The following CDC42BPA variants were observed in gnomAD, a reference collection of about 807,000 sequenced individuals.
CDC42BPA encodes CDC42 binding protein kinase alpha.
Under a neutral mutation model 223.5 loss-of-function variants are expected in CDC42BPA, and 80 were observed. The ratio of observed to expected loss-of-function variants is 0.36; its 90% CI spans 0.30 to 0.43. The LOEUF is 0.43. CDC42BPA is among the 20% of genes least tolerant of loss of function. CDC42BPA has a pLI of 1.00. For synonymous variants in CDC42BPA, 694 were observed against 718.6 expected (o/e 0.97, Z 0.55); for missense variants, 1,743 against 2,099.9 (o/e 0.83, Z 3.32).
At chr1:227,082,940 G>A (rs372668485) in intron 16 of CDC42BPA, among the ~76,000 whole-genome samples, 1 of 151,994 alleles carries the variant, frequency 6.6e-6, no homozygotes, top group African/African-American at 2.4e-5. Context: ...GCCTTTGAAC[G>A]TAATGTGTCT....
chr1:227,238,460 A>G (rs1053631750), intron 2 of CDC42BPA, among the ~76,000 whole-genome samples: 4 of 152,184 alleles, frequency 2.6e-5, no homozygotes, highest in African/African-American at 9.7e-5. Context: ...ATTTGAATAC[A>G]ACCACATCCA....
chr1:227,169,980 C>A (rs1665801595), intron 5 of CDC42BPA, among the ~76,000 whole-genome samples: 2 of 152,110 alleles, frequency 1.3e-5, no homozygotes, highest in Admixed American at 1.3e-4. Flanking sequence ...TTTATGAATA[C>A]AGAAAACCAT....
chr1:227,187,683 C>T (rs1174388251), intron 5 of CDC42BPA, among the ~76,000 whole-genome samples: 1 of 74,530 alleles, frequency 1.3e-5, no homozygotes, highest in Admixed American at 1.8e-4. Flanking sequence ...CCCCCCACCC[C>T]CCCCCCAAAA....
chr1:227,110,008 T>A (rs770331839), intron 14 of CDC42BPA, among the ~76,000 whole-genome samples: 1 of 152,110 alleles, frequency 6.6e-6, no homozygotes, highest in Non-Finnish European at 1.5e-5. Context: ...AATGCACCCA[T>A]CTAATTTTCT....
intron 12 of CDC42BPA, 70 bp downstream of exon 12, chr1:227,119,734 C>T (rs1266786732): frequency 1.9e-6 from 2 of 1,026,912 alleles, no homozygotes; most frequent in Non-Finnish European, 2.7e-6. Flanking sequence ...ATTATGAATG[C>T]TTTCAGTATT....
At chr1:227,046,954 TC>T (rs1371778146) in intron 23 of CDC42BPA, among the ~76,000 whole-genome samples, 1 of 152,180 alleles carries the variant, frequency 6.6e-6, no homozygotes, top group East Asian at 1.9e-4. Flanking sequence ...TCATTTTCTT[TC>T]CCCTTTAAGT....
chr1:227,317,434 A>G lies in CDC42BPA; in HGVS notation c.-252T>C. On this transcript the variant is annotated 5_prime_UTR_variant, in exon 1 of 37. Coordinates refer to ENST00000366766, the MANE Select transcript of CDC42BPA (RefSeq NM_001394014.1). ...TAAAATATATACTTAATGCATTTTTAAAAGAATACAATTAAGTCGTATATT... is the reference window on the plus strand; with the variant it reads ...TAAAATATATACTTAATGCATTTTTGAAAGAATACAATTAAGTCGTATATT... 1 of 408,662 alleles carries G rather than the reference A, an allele frequency of 2.4e-6. No individual in the cohort carries two copies. Among genetic ancestry groups the G allele is most frequent in the South Asian group, 1.2e-4 (1 of 8,400 alleles). 25.3% of individuals were successfully genotyped at this position (408,662 alleles called of 1,614,324 possible). A position where few individuals can be genotyped will look rare whatever the true frequency, so the allele number is the denominator to read the frequency against.
intron 5 of CDC42BPA, among the ~76,000 whole-genome samples, chr1:227,187,608 A>C (rs906569944): frequency 2.3e-4 from 35 of 150,298 alleles, no homozygotes; most frequent in African/African-American, 7.8e-4. Context: ...ATAATTCCCC[A>C]AAATTTTCCT....
chr1:227,085,765 A>C (rs971610412), intron 16 of CDC42BPA, among the ~76,000 whole-genome samples: 2 of 152,216 alleles, frequency 1.3e-5, no homozygotes, highest in African/African-American at 2.4e-5. Flanking sequence ...CAAGAGATTT[A>C]AGTTTGTACC....
chr1:227,173,005 G>C (rs756579013), intron 5 of CDC42BPA, among the ~76,000 whole-genome samples: 2 of 152,182 alleles, frequency 1.3e-5, no homozygotes, highest in African/African-American at 4.8e-5. Flanking sequence ...TGGCCAGCCT[G>C]AGGAATAACT....
intron 9 of CDC42BPA, among the ~76,000 whole-genome samples, chr1:227,141,663 G>T (rs568594294): frequency 2.6e-5 from 4 of 152,290 alleles, no homozygotes; most frequent in South Asian, 2.1e-4. Flanking sequence ...AAAGAAATAG[G>T]CCAGATGCAG....
chr1:227,121,802 C>CTTTTTTTTT (rs11327691), intron 11 of CDC42BPA, among the ~76,000 whole-genome samples: 13 of 134,126 alleles, frequency 9.7e-5, no homozygotes, highest in Non-Finnish European at 1.3e-4. Flanking sequence ...TCTTTTTTTT[C>CTTTTTTTTT]TTTTTTTTTT....
At chr1:227,241,167 T>C (rs1238743372) in intron 2 of CDC42BPA, among the ~76,000 whole-genome samples, 1 of 152,006 alleles carries the variant, frequency 6.6e-6, no homozygotes, top group Non-Finnish European at 1.5e-5. Context: ...GACCACAGAA[T>C]ACCACTACAT....
At chr1:227,035,907 T>C (rs749860994) in intron 24 of CDC42BPA, among the ~76,000 whole-genome samples, 4 of 152,152 alleles carry the variant, frequency 2.6e-5, no homozygotes, top group Non-Finnish European at 5.9e-5. Context: ...TGATTTAGAT[T>C]TTCTAAAAGA....
intron 21 of CDC42BPA, chr1:227,068,794 A>C: frequency 3.1e-6 from 1 of 319,518 alleles, no homozygotes. Context: ...AACAATTGAA[A>C]GGCAAATGAC....
chr1:227,083,086 A>G (rs1178359035), intron 16 of CDC42BPA, among the ~76,000 whole-genome samples: 2 of 152,080 alleles, frequency 1.3e-5, no homozygotes, highest in Non-Finnish European at 2.9e-5. Flanking sequence ...TTGTGGCTAA[A>G]TGTTTCTCAT....
At chr1:227,088,051 T>C (rs1682329141) in intron 16 of CDC42BPA, among the ~76,000 whole-genome samples, 1 of 152,188 alleles carries the variant, frequency 6.6e-6, no homozygotes, top group South Asian at 2.1e-4. Flanking sequence ...GATTGCTTAA[T>C]GTATGTGGAA....
chr1:227,270,262 TTAAG>T (rs1275835344), intron 1 of CDC42BPA, among the ~76,000 whole-genome samples: 6 of 152,154 alleles, frequency 3.9e-5, no homozygotes, highest in African/African-American at 1.4e-4. Flanking sequence ...ACATAAATAC[TTAAG>T]TAAATGCATA....
chr1:227,030,538 G>GTTCTT, intron 28 of CDC42BPA, 68 bp from the exon 29 acceptor site: 2 of 924,166 alleles, frequency 2.2e-6, no homozygotes, highest in Non-Finnish European at 3.4e-6. Flanking sequence ...TAAACCAGAT[G>GTTCTT]ATAAGAACAT....
Sources: allele counts gnomAD v4.1 joint callset (sites outside exome capture counted in the v4.1 genomes callset), GRCh38; gene constraint gnomAD v4.1.1; transcripts MANE v1.5; gene names NCBI Gene and HGNC (gene_info 2026-07-23, HGNC 2026-07-21).